The following ITPR1 variants were observed in gnomAD, a reference collection of about 807,000 sequenced individuals.
ITPR1 encodes inositol 1,4,5-trisphosphate-gated calcium channel ITPR1.
In ITPR1, 96 loss-of-function variants were observed where a neutral mutation model predicts 318.4. The ratio of observed to expected loss-of-function variants is 0.30; its 90% CI spans 0.26 to 0.36. The LOEUF is 0.36. Ranked by LOEUF, ITPR1 falls within the 10% of genes least tolerant of loss-of-function variation. ITPR1 has a pLI of 1.00. For missense variants in ITPR1, 2,440 were observed against 3,460.2 expected (o/e 0.71, Z 7.40); for synonymous variants, 1,312 against 1,289.9 (o/e 1.02, Z -0.37).
intron 60 of ITPR1, among the ~76,000 whole-genome samples, chr3:4,827,206 A>G (rs2050137671): frequency 6.6e-6 from 1 of 152,240 alleles, no homozygotes; most frequent in East Asian, 1.9e-4. Flanking sequence ...CGACAGCACC[A>G]CCACCGTGCT....
chr3:4,747,021 A>G (rs2044158652), intron 44 of ITPR1, among the ~76,000 whole-genome samples: 1 of 152,178 alleles, frequency 6.6e-6, no homozygotes, highest in Non-Finnish European at 1.5e-5. Flanking sequence ...GAGGATGTGA[A>G]ATGTGAACTT....
intron 2 of ITPR1, among the ~76,000 whole-genome samples, chr3:4,508,409 AGTT>A (rs2081544600): frequency 6.8e-6 from 1 of 147,428 alleles, no homozygotes; most frequent in Admixed American, 6.7e-5. Context: ...CAGTTTCAGG[AGTT>A]GTTAACTTTT....
chr3:4,684,125 T>C (rs1396001536), intron 28 of ITPR1, among the ~76,000 whole-genome samples, 156 bp from the exon 29 acceptor site: 1 of 152,218 alleles, frequency 6.6e-6, no homozygotes, highest in Admixed American at 6.5e-5. Context: ...AGGAAACCCA[T>C]AGCAAGTAGG....
At chr3:4,739,519 T>G (rs970914998) in intron 44 of ITPR1, among the ~76,000 whole-genome samples, 141 of 152,264 alleles carry the variant, frequency 9.3e-4, no homozygotes, top group African/African-American at 3.3e-3. Context: ...AACTGCAGAT[T>G]TAAAATATTT....
Position 4,670,870 on chromosome 3 carries a change from G to A in ITPR1, c.2148G>A (p.Leu716=), listed in dbSNP as rs752261923. 6.2e-7 allele frequency: 1 copy of A among 1,608,416 alleles called. No homozygotes were observed. The change falls in exon 20 of 62, where the codon TTG becomes TTA. Residue 716 remains leucine, a synonymous_variant. Coordinates refer to ENST00000649015, the MANE Select transcript of ITPR1 (RefSeq NM_001378452.1). The stretch of plus-strand genomic sequence containing the variant: ...TTCGCAGCAAGAGTGTGAGGGAATT[G>A]GCTCAGGATGCTAAAGAAGGGCAGA... The part of the protein sequence containing the change: ...KEIRSKSVRE[L]AQDAKEGQKE...
chr3:4,658,217 A>T lies in ITPR1; in HGVS notation c.1090A>T (p.Ile364Phe), dbSNP rs566812608. 2.5e-6 allele frequency: 4 copies of T among 1,613,710 alleles called. No individual in the cohort carries two copies. Among genetic ancestry groups the T allele is most frequent in the Non-Finnish European group, 3.4e-6 (4 of 1,179,710 alleles). Reference sequence around the variant, plus strand: ...GGTCTCTGTGCCTGAAGGCAATGACATCTCCTCCATTTTCGAGCTAGATCC... The same window carrying T: ...GGTCTCTGTGCCTGAAGGCAATGACTTCTCCTCCATTTTCGAGCTAGATCC... ...SLVSVPEGNDISSIFELDPTT... is the reference protein window; with the variant it reads ...SLVSVPEGNDFSSIFELDPTT... Residue 364 changes from isoleucine to phenylalanine, a missense_variant, in exon 13 of 62, where the codon ATC (isoleucine) becomes TTC (phenylalanine). By Grantham distance (21) the Ile-to-Phe change is conservative (BLOSUM62 0). Around this residue, in one of 23 missense-constraint regions of ITPR1, gnomAD observed 101 missense variants for 119.6 expected, o/e 0.84. Coordinates refer to ENST00000649015, the MANE Select transcript of ITPR1 (RefSeq NM_001378452.1).
intron 2 of ITPR1, among the ~76,000 whole-genome samples, chr3:4,516,080 C>T (rs1216040993): frequency 2.0e-5 from 3 of 152,198 alleles, no homozygotes; most frequent in Non-Finnish European, 2.9e-5. Flanking sequence ...TTCCCTGAAG[C>T]AAATTGAATA....
intron 5 of ITPR1, among the ~76,000 whole-genome samples, chr3:4,638,098 G>A (rs2125146492): frequency 6.6e-6 from 1 of 152,240 alleles, no homozygotes; most frequent in South Asian, 2.1e-4. Flanking sequence ...CGGTAGGTAG[G>A]CGACCCAAGA....
chr3:4,725,483 C>A, intron 40 of ITPR1, 63 bp from the exon 41 acceptor site: 1 of 1,377,890 alleles, frequency 7.3e-7, no homozygotes, highest in Non-Finnish European at 1.0e-6. Context: ...GGTCTCTGGA[C>A]TTCTCTGTGG....
chr3:4,588,629 T>G (rs927029947), intron 4 of ITPR1, among the ~76,000 whole-genome samples: 1 of 152,138 alleles, frequency 6.6e-6, no homozygotes, highest in African/African-American at 2.4e-5. Context: ...TTAAATGTGC[T>G]GATGACTAAC....
At chr3:4,731,871 A>G (rs1013088367) in intron 42 of ITPR1, among the ~76,000 whole-genome samples, 3 of 152,156 alleles carry the variant, frequency 2.0e-5, no homozygotes, top group African/African-American at 7.2e-5. Flanking sequence ...AAATCATTTT[A>G]AATTCTTCTG....
chr3:4,535,598 A>G (rs2124962247), intron 4 of ITPR1, among the ~76,000 whole-genome samples: 1 of 151,602 alleles, frequency 6.6e-6, no homozygotes, highest in Admixed American at 6.6e-5. Flanking sequence ...GCCTGCCACC[A>G]CGCCCGGCTA....
intron 24 of ITPR1, among the ~76,000 whole-genome samples, chr3:4,679,286 A>G (rs964857465): frequency 6.6e-6 from 1 of 152,224 alleles, no homozygotes; most frequent in Non-Finnish European, 1.5e-5. Flanking sequence ...ATACATACAG[A>G]TAGACAAGAG....
chr3:4,498,225 G>A (rs548442917), intron 2 of ITPR1, among the ~76,000 whole-genome samples: 117 of 152,312 alleles, frequency 7.7e-4, no homozygotes, highest in Middle Eastern at 3.4e-3. Context: ...ATTTTAAAAA[G>A]CAACAAAACA....
At chr3:4,506,277 A>G (rs1309118911) in intron 2 of ITPR1, among the ~76,000 whole-genome samples, 4 of 152,038 alleles carry the variant, frequency 2.6e-5, no homozygotes, top group African/African-American at 7.2e-5. Flanking sequence ...TCCTTTCCCC[A>G]TTAATGCTGC....
intron 58 of ITPR1, 59 bp downstream of exon 58, chr3:4,814,621 G>A: frequency 1.4e-6 from 2 of 1,409,204 alleles, no homozygotes; most frequent in Non-Finnish European, 2.0e-6. Context: ...GTTGGTGGGA[G>A]CACCATGCAG....
intron 4 of ITPR1, among the ~76,000 whole-genome samples, chr3:4,600,536 G>C (rs748843874): frequency 3.9e-5 from 6 of 151,990 alleles, no homozygotes; most frequent in Non-Finnish European, 8.8e-5. Flanking sequence ...GTTTTGAGAA[G>C]AATTTAAATA....
rs112944532 is a variant in ITPR1 at position 4,516,557 on chromosome 3, G to T, written c.66G>T (p.Ser22=). ...GDICSLYAEG[S]TNGFISTLGL... ...TTTGTTCTCTGTACGCGGAGGGATC[G>T]ACAAATGGATTTATTAGCACCTTGG... Residue 22 remains serine (S), a synonymous_variant, in exon 3 of 62, where the codon TCG becomes TCT. Coordinates refer to ENST00000649015, the MANE Select transcript of ITPR1 (RefSeq NM_001378452.1). 1 of 1,603,684 alleles carries T rather than the reference G, an allele frequency of 6.2e-7. No homozygotes were observed.
chr3:4,532,134 C>G (rs959343421), intron 4 of ITPR1, among the ~76,000 whole-genome samples: 9 of 152,292 alleles, frequency 5.9e-5, no homozygotes, highest in Admixed American at 4.6e-4. Context: ...GCCCTTCCCC[C>G]CTATTGCATT....
Sources: allele counts gnomAD v4.1 joint callset (sites outside exome capture counted in the v4.1 genomes callset), GRCh38; gene constraint gnomAD v4.1.1; regional missense constraint gnomAD v4.1.1; transcripts MANE v1.5; gene names NCBI Gene and HGNC (gene_info 2026-07-23, HGNC 2026-07-21).